The following MYO16 variants were observed in gnomAD, a reference collection of about 807,000 sequenced individuals.
The protein encoded by MYO16 is unconventional myosin-XVI.
A neutral mutation model predicts 205.3 loss-of-function variants in MYO16; 94 were observed. That is an observed-to-expected ratio of 0.46 (90% CI 0.39 to 0.54). The LOEUF is 0.54. Ranked by LOEUF, MYO16 falls within the 20% of genes least tolerant of loss-of-function variation. MYO16 has a pLI of 0.00. For synonymous variants in MYO16, 988 were observed against 954.0 expected, an observed-to-expected ratio of 1.04 and a Z score of -0.66; for missense variants, 2,315 against 2,387.5, an observed-to-expected ratio of 0.97 and a Z score of 0.63.
chr13:108,818,837 T>C (rs1039740651), intron 7 of MYO16, among the ~76,000 whole-genome samples: 2 of 152,142 alleles, frequency 1.3e-5, no homozygotes, highest in Non-Finnish European at 2.9e-5. Flanking sequence ...AAAAGCATAA[T>C]ATAAAATCAT....
intron 16 of MYO16, among the ~76,000 whole-genome samples, chr13:108,915,682 A>G (rs564911156): frequency 6.6e-6 from 1 of 152,344 alleles, no homozygotes; most frequent in East Asian, 1.9e-4. Context: ...GTTTAGTCCC[A>G]GAAAAGCTAG....
At chr13:109,191,226 A>G (rs1464365961) in intron 34 of MYO16, among the ~76,000 whole-genome samples, 2 of 152,060 alleles carry the variant, frequency 1.3e-5, no homozygotes, top group Non-Finnish European at 1.5e-5. Flanking sequence ...TCTCGAAAAA[A>G]AAAAAATTGA....
At chr13:108,510,433 TTTTTTTTTATATTTAACATTGATAGCTG>T in the MYO16 span, among the ~76,000 whole-genome samples, 22 of 139,652 alleles carry the variant, frequency 1.6e-4, no homozygotes, top group Non-Finnish European at 2.3e-4. Context: ...TAATTTTTTT[TTTTTTTTTATATTTAACATTGATAGCTG>T]TTTTTTTTTT....
chr13:109,041,847 G>A (rs1886893285), intron 23 of MYO16, among the ~76,000 whole-genome samples: 2 of 138,436 alleles, frequency 1.4e-5, no homozygotes, highest in Admixed American at 1.6e-4. Context: ...CATTTATTTT[G>A]ATTTTCAAAT....
chr13:108,529,405 T>C, the MYO16 span, among the ~76,000 whole-genome samples: 1 of 150,940 alleles, frequency 6.6e-6, no homozygotes, highest in African/African-American at 2.4e-5. Flanking sequence ...TTTAAAGCCA[T>C]TTTTTTTTAA....
intron 16 of MYO16, among the ~76,000 whole-genome samples, chr13:108,926,104 T>C: frequency 6.6e-6 from 1 of 152,096 alleles, no homozygotes; most frequent in East Asian, 1.9e-4. Context: ...CCTCCTTAAT[T>C]TTCAGATCTC....
intron 12 of MYO16, among the ~76,000 whole-genome samples, chr13:108,882,020 G>A (rs986665653): frequency 7.2e-5 from 11 of 152,292 alleles, no homozygotes; most frequent in African/African-American, 2.6e-4. Flanking sequence ...TGAAATGAAG[G>A]AAAAACTGTA....
At chr13:108,862,003 G>T (rs2139116067) in intron 11 of MYO16, among the ~76,000 whole-genome samples, 1 of 152,206 alleles carries the variant, frequency 6.6e-6, no homozygotes, top group East Asian at 1.9e-4. Flanking sequence ...CATTAGTTAT[G>T]AAAATGTTTT....
intron 33 of MYO16, among the ~76,000 whole-genome samples, chr13:109,176,598 A>AAAAAAAAAAAAAAAAAAAAAAAC: frequency 6.7e-6 from 1 of 149,530 alleles, no homozygotes; most frequent in East Asian, 1.9e-4. Context: ...AAAAAAAAAA[A>AAAAAAAAAAAAAAAAAAAAAAAC]AAAGACCTCC....
At chr13:109,044,000 G>C (rs568367864) in intron 23 of MYO16, among the ~76,000 whole-genome samples, 2 of 152,238 alleles carry the variant, frequency 1.3e-5, no homozygotes, top group South Asian at 2.1e-4. Flanking sequence ...AGGTGAATTG[G>C]GGAACTTCTT....
At chr13:109,040,385 CAGAGAGAGAG>C (rs146955371) in intron 23 of MYO16, among the ~76,000 whole-genome samples, 17 of 113,218 alleles carry the variant, frequency 1.5e-4, no homozygotes, top group African/African-American at 4.2e-4. Context: ...CACACACACA[CAGAGAGAGAG>C]AGAGAGAGAG....
intron 14 of MYO16, among the ~76,000 whole-genome samples, chr13:108,896,675 G>A (rs573606724): frequency 6.6e-6 from 1 of 152,234 alleles, no homozygotes; most frequent in Middle Eastern, 3.4e-3. Context: ...TTTAAAAGTG[G>A]GATCAAAGCA....
At chr13:108,542,618 C>T in the MYO16 span, among the ~76,000 whole-genome samples, 1 of 152,074 alleles carries the variant, frequency 6.6e-6, no homozygotes, top group Non-Finnish European at 1.5e-5. Context: ...TGAAATCTTA[C>T]ATACAAATTC....
chr13:108,789,056 G>C (rs562188077), intron 5 of MYO16, among the ~76,000 whole-genome samples: 2 of 152,240 alleles, frequency 1.3e-5, no homozygotes, highest in South Asian at 4.2e-4. Context: ...TATCCTTGTA[G>C]CTTAATTATC....
intron 16 of MYO16, among the ~76,000 whole-genome samples, chr13:108,949,125 AAC>A (rs2139334625): frequency 6.6e-6 from 1 of 152,376 alleles, no homozygotes; most frequent in African/African-American, 2.4e-5. Context: ...ATACAATTGT[AAC>A]ACATATTCAT....
intron 7 of MYO16, among the ~76,000 whole-genome samples, chr13:108,815,814 A>G (rs1050410231): frequency 6.6e-6 from 1 of 152,210 alleles, no homozygotes; most frequent in Non-Finnish European, 1.5e-5. Context: ...AATGCAAAGT[A>G]CCTATAATAG....
rs760510122 is a variant in MYO16 at position 108,712,681 on chromosome 13, G to A, written c.313G>A (p.Gly105Arg). Residue 105 changes from glycine to arginine, a missense_variant, in exon 3 of 35, where the codon GGG becomes AGG. Coordinates refer to ENST00000457511, the MANE Select transcript of MYO16 (RefSeq NM_001198950.3). ...TTCAGTGCTTCGGCTCCTGAAGGAGGGGGCAGACCCCCACACCCTCGTCTC... is the reference window on the plus strand; with the variant it reads ...TTCAGTGCTTCGGCTCCTGAAGGAGAGGGCAGACCCCCACACCCTCGTCTC... ...DKEVLRLLKEGADPHTLVSSG... is the reference protein window; with the variant it reads ...DKEVLRLLKERADPHTLVSSG... The A allele has an allele frequency of 1.7e-5, 27 of 1,614,030 alleles. No individual in the cohort carries two copies. Among genetic ancestry groups the A allele is most frequent in the Non-Finnish European group, 2.2e-5 (26 of 1,180,018 alleles).
intron 12 of MYO16, among the ~76,000 whole-genome samples, chr13:108,881,487 C>T (rs1387001778): frequency 6.6e-6 from 1 of 152,154 alleles, no homozygotes; most frequent in Non-Finnish European, 1.5e-5. Flanking sequence ...TAGGTAATAA[C>T]AAACTTCTCC....
chr13:108,872,643 T>C (rs1264257692), intron 12 of MYO16, among the ~76,000 whole-genome samples: 1 of 151,290 alleles, frequency 6.6e-6, no homozygotes, highest in Non-Finnish European at 1.5e-5. Flanking sequence ...ATAAAATCTA[T>C]ATATGTTTCA....
Sources: gnomAD v4.1 joint callset for allele counts (sites outside exome capture counted in the v4.1 genomes callset) on GRCh38, gnomAD v4.1.1 for gene constraint, MANE v1.5 for transcripts, NCBI Gene and HGNC (gene_info 2026-07-23, HGNC 2026-07-21) for gene names.